The following KCNT2 variants were observed in gnomAD, a reference collection of about 807,000 sequenced individuals.
KCNT2 encodes the protein potassium sodium-activated channel subfamily T member 2, also known as potassium channel subfamily T member 2.
KCNT2 carries 67 observed loss-of-function variants against 153.8 expected under a neutral mutation model. That is an observed-to-expected ratio of 0.44 (90% CI 0.36 to 0.53). The LOEUF is 0.53. KCNT2 is among the 20% of genes least tolerant of loss of function. The pLI is 0.00. For synonymous variants in KCNT2, 500 were observed against 458.8 expected, an observed-to-expected ratio of 1.09 and a Z score of -1.15; for missense variants, 975 against 1,354.8, an observed-to-expected ratio of 0.72 and a Z score of 4.40.
intron 5 of KCNT2, among the ~76,000 whole-genome samples, chr1:196,477,467 A>T (rs980529990): frequency 1.3e-5 from 2 of 152,020 alleles, no homozygotes; most frequent in African/African-American, 4.8e-5. Flanking sequence ...GTGCACGTAT[A>T]GTCTCAGCTA....
At chr1:196,558,605 G>T (rs1047400570) in intron 1 of KCNT2, among the ~76,000 whole-genome samples, 1 of 151,426 alleles carries the variant, frequency 6.6e-6, no homozygotes, top group Non-Finnish European at 1.5e-5. Context: ...GAAACAAAAA[G>T]CAAATAGGCT....
At chr1:196,308,780 G>A (rs1171126597) in intron 21 of KCNT2, among the ~76,000 whole-genome samples, 1 of 152,018 alleles carries the variant, frequency 6.6e-6, no homozygotes, top group African/African-American at 2.4e-5. Flanking sequence ...GAGGAAGATA[G>A]ACCAGTGTAA....
At chr1:196,526,143 T>C (rs1030878602) in intron 1 of KCNT2, among the ~76,000 whole-genome samples, 16 of 151,774 alleles carry the variant, frequency 1.1e-4, no homozygotes, top group African/African-American at 3.9e-4. Context: ...CAAGAATGCA[T>C]TGGATCATCC....
chr1:196,436,165 T>C (rs1023149040), intron 8 of KCNT2, among the ~76,000 whole-genome samples: 18 of 151,198 alleles, frequency 1.2e-4, no homozygotes, highest in African/African-American at 3.9e-4. Context: ...CATTATAGAG[T>C]ACCTATATAC....
At chr1:196,435,139 GTATATATATATATATATA>G (rs1166021273) in intron 8 of KCNT2, among the ~76,000 whole-genome samples, 25 of 45,724 alleles carry the variant, frequency 5.5e-4, no homozygotes, top group South Asian at 3.1e-3. Context: ...GTGTGTGTAT[GTATATATATATATATATA>G]TATATATATA....
At chr1:196,580,264 A>G (rs1457344782) in intron 1 of KCNT2, among the ~76,000 whole-genome samples, 1 of 152,170 alleles carries the variant, frequency 6.6e-6, no homozygotes, top group Non-Finnish European at 1.5e-5. Context: ...GCCCCAGCTC[A>G]ACAGAGAAAA....
intron 1 of KCNT2, among the ~76,000 whole-genome samples, chr1:196,512,196 T>C (rs559016726): frequency 1.3e-5 from 2 of 152,320 alleles, no homozygotes; most frequent in Admixed American, 1.3e-4. Context: ...CTCCATTTTC[T>C]TGATTTTCTT....
At chr1:196,350,264 T>A (rs1315783315) in intron 14 of KCNT2, among the ~76,000 whole-genome samples, 1 of 152,166 alleles carries the variant, frequency 6.6e-6, no homozygotes, top group Non-Finnish European at 1.5e-5. Flanking sequence ...TAGTTCTAGA[T>A]CCCTGAGGAA....
chr1:196,499,126 A>G (rs1680476588), intron 1 of KCNT2, among the ~76,000 whole-genome samples: 1 of 152,194 alleles, frequency 6.6e-6, no homozygotes, highest in African/African-American at 2.4e-5. Context: ...ATACTTTCAA[A>G]ACTCAAGGAA....
intron 26 of KCNT2, among the ~76,000 whole-genome samples, chr1:196,255,555 G>C (rs950994282): frequency 6.6e-6 from 1 of 151,774 alleles, no homozygotes; most frequent in South Asian, 2.1e-4. Flanking sequence ...ATATTACTGA[G>C]CATATAACGC....
chr1:196,429,507 T>C (rs541060968), intron 9 of KCNT2, 70 bp downstream of exon 9: 2 of 1,005,454 alleles, frequency 2.0e-6, no homozygotes, highest in Middle Eastern at 4.4e-4. Flanking sequence ...TTTCCATTTC[T>C]TATTAAATGT....
At chr1:196,308,479 T>A (rs1217804676) in intron 21 of KCNT2, among the ~76,000 whole-genome samples, 2 of 152,012 alleles carry the variant, frequency 1.3e-5, no homozygotes, top group Non-Finnish European at 2.9e-5. Flanking sequence ...AAAAGCCCAC[T>A]TTTGCCTACA....
chr1:196,554,525 T>G (rs1658377617), intron 1 of KCNT2, among the ~76,000 whole-genome samples: 1 of 150,528 alleles, frequency 6.6e-6, no homozygotes, highest in South Asian at 2.1e-4. Flanking sequence ...AGAAAATCCT[T>G]TGACCCCATG....
At chr1:196,326,682 G>C (rs1480615368) in intron 19 of KCNT2, 35 bp downstream of exon 19, 1 of 1,279,610 alleles carries the variant, frequency 7.8e-7, no homozygotes, top group African/African-American at 1.6e-5. Context: ...ATTAAAAACA[G>C]TTTATCTTGT....
At chr1:196,320,484 A>C (rs1663185896) in intron 19 of KCNT2, among the ~76,000 whole-genome samples, 1 of 151,842 alleles carries the variant, frequency 6.6e-6, no homozygotes, top group Non-Finnish European at 1.5e-5. Context: ...AGAATTGAGG[A>C]ACATTTCACA....
intron 25 of KCNT2, among the ~76,000 whole-genome samples, chr1:196,261,918 T>C (rs931561860): frequency 2.1e-4 from 32 of 151,832 alleles, no homozygotes; most frequent in African/African-American, 7.0e-4. Context: ...TCTGGTAATA[T>C]ATACAGTTCA....
At chr1:196,400,166 T>C (rs1320383864) in intron 12 of KCNT2, among the ~76,000 whole-genome samples, 1 of 151,868 alleles carries the variant, frequency 6.6e-6, no homozygotes, top group African/African-American at 2.4e-5. Context: ...TGAATACTTG[T>C]TAATCAATTT....
At chr1:196,350,247 G>T (rs1666545306) in intron 14 of KCNT2, among the ~76,000 whole-genome samples, 1 of 152,128 alleles carries the variant, frequency 6.6e-6, no homozygotes, top group East Asian at 1.9e-4. Flanking sequence ...GGGTCAAACG[G>T]TATTTCTAGT....
intron 18 of KCNT2, among the ~76,000 whole-genome samples, 164 bp downstream of exon 18, chr1:196,330,992 A>C (rs1192815723): frequency 6.6e-6 from 1 of 151,998 alleles, no homozygotes; most frequent in East Asian, 1.9e-4. Context: ...TGTGCAGTTA[A>C]AAATGTAAAA....
Sources: allele counts gnomAD v4.1 joint callset (sites outside exome capture counted in the v4.1 genomes callset), GRCh38; gene constraint gnomAD v4.1.1; transcripts MANE v1.5; gene names NCBI Gene and HGNC (gene_info 2026-07-23, HGNC 2026-07-21).